Variants in ERBB4 observed in about 807,000 individuals in gnomAD.
ERBB4 encodes the protein receptor tyrosine-protein kinase erbB-4.
ERBB4 carries 42 observed loss-of-function variants against 158.0 expected under a neutral mutation model. That is an observed-to-expected ratio of 0.27 (90% CI 0.21 to 0.34). ERBB4 has a LOEUF of 0.34. Among genes scored for constraint, ERBB4 ranks in the 10% least tolerant of loss-of-function variants. The pLI is 1.00. For missense variants in ERBB4, 1,333 were observed against 1,624.1 expected, an observed-to-expected ratio of 0.82 and a Z score of 3.08; for synonymous variants, 583 against 558.7, an observed-to-expected ratio of 1.04 and a Z score of -0.61.
intron 1 of ERBB4, among the ~76,000 whole-genome samples, chr2:212,530,509 T>A (rs1454552993): frequency 6.6e-6 from 1 of 152,066 alleles, no homozygotes; most frequent in Non-Finnish European, 1.5e-5. Context: ...CCACCCATGA[T>A]CTCTATTAGG....
chr2:212,483,509 T>A (rs1280268498), intron 1 of ERBB4, among the ~76,000 whole-genome samples: 1 of 152,222 alleles, frequency 6.6e-6, no homozygotes, highest in Admixed American at 6.5e-5. Flanking sequence ...TTGTACCTAG[T>A]AAATGAAGTT....
intron 2 of ERBB4, among the ~76,000 whole-genome samples, chr2:212,112,807 C>T (rs1483734626): frequency 2.0e-5 from 3 of 152,160 alleles, no homozygotes; most frequent in African/African-American, 4.8e-5. Context: ...CAACATGAAA[C>T]GTGAGTCTAA....
At chr2:211,497,727 T>C (rs1490025015) in intron 20 of ERBB4, among the ~76,000 whole-genome samples, 1 of 152,126 alleles carries the variant, frequency 6.6e-6, no homozygotes, top group Non-Finnish European at 1.5e-5. Context: ...AATGAAAGGA[T>C]GAGGCTCTTA....
intron 1 of ERBB4, among the ~76,000 whole-genome samples, chr2:212,425,979 T>C (rs1053237535): frequency 3.3e-5 from 5 of 152,024 alleles, no homozygotes; most frequent in South Asian, 2.1e-4. Context: ...CATAAACTTT[T>C]CTTCTGAATC....
intron 1 of ERBB4, among the ~76,000 whole-genome samples, chr2:212,470,765 G>C (rs1689077574): frequency 6.6e-6 from 1 of 152,058 alleles, no homozygotes; most frequent in South Asian, 2.1e-4. Flanking sequence ...TACACTAAAG[G>C]GCTAACAATC....
At chr2:211,726,784 G>C (rs541750367) in intron 5 of ERBB4, among the ~76,000 whole-genome samples, 10 of 152,234 alleles carry the variant, frequency 6.6e-5, no homozygotes, top group African/African-American at 2.4e-4. Context: ...CTATAAATCA[G>C]TGTTGATTCA....
chr2:211,683,891 G>C (rs923032888), intron 12 of ERBB4, among the ~76,000 whole-genome samples: 1 of 151,796 alleles, frequency 6.6e-6, no homozygotes, highest in African/African-American at 2.4e-5. Flanking sequence ...CATTCTGATA[G>C]GTGTAGTAAT....
chr2:212,080,858 A>G (rs1451389793), intron 2 of ERBB4, among the ~76,000 whole-genome samples: 2 of 152,148 alleles, frequency 1.3e-5, no homozygotes, highest in African/African-American at 2.4e-5. Flanking sequence ...TATGGAAAAC[A>G]TCTCATCCAG....
chr2:211,951,306 A>G (rs1259667158), intron 2 of ERBB4, among the ~76,000 whole-genome samples: 1 of 152,280 alleles, frequency 6.6e-6, no homozygotes, highest in South Asian at 2.1e-4. Context: ...GTAAAAGAGT[A>G]ACATTAATAG....
intron 16 of ERBB4, among the ~76,000 whole-genome samples, chr2:211,632,609 T>C (rs961778420): frequency 6.7e-6 from 1 of 148,870 alleles, no homozygotes. Context: ...CTCTATTTTG[T>C]TTTTTGTTTG....
intron 1 of ERBB4, among the ~76,000 whole-genome samples, chr2:212,280,602 T>C (rs73066370): frequency 0.086 from 13,094 of 151,702 alleles, 595 homozygotes; most frequent in Non-Finnish European, 0.097. Flanking sequence ...CTTCTCTGCG[T>C]TTCTGTTGCT....
At position 211,380,328 on chromosome 2, in the gene ERBB4, CT is replaced by C. The variant is rs2062553649; in HGVS notation, c.*3286del. On this transcript the variant is annotated 3_prime_UTR_variant, in exon 28 of 28. Transcript: ENST00000342788. ...TCTTTCCTCACCTGTTTACCACTTT[CT>C]TTAGGCAATCATTTAACTGCAAAAT... 4.3e-6 allele frequency: 1 copy of C among 232,124 alleles called. No homozygotes were observed. Among genetic ancestry groups the C allele is most frequent in the Admixed American group, 5.6e-5 (1 of 17,718 alleles). 14.4% of individuals were successfully genotyped at this position (232,124 alleles called of 1,614,324 possible).
At chr2:212,013,756 A>C (rs1241067740) in intron 2 of ERBB4, among the ~76,000 whole-genome samples, 1 of 152,148 alleles carries the variant, frequency 6.6e-6, no homozygotes, top group Non-Finnish European at 1.5e-5. Context: ...TTGTTTTTCC[A>C]AGCAATCCTC....
intron 25 of ERBB4, among the ~76,000 whole-genome samples, chr2:211,411,813 A>C (rs1308183359): frequency 6.6e-6 from 1 of 152,222 alleles, no homozygotes; most frequent in Non-Finnish European, 1.5e-5. Flanking sequence ...TGATGGAAAT[A>C]ATAGAAAGCT....
chr2:211,966,377 G>A (rs957464813), intron 2 of ERBB4, among the ~76,000 whole-genome samples: 1 of 152,042 alleles, frequency 6.6e-6, no homozygotes, highest in Non-Finnish European at 1.5e-5. Flanking sequence ...GAAGAGCTGG[G>A]ATTGCAGGCA....
At chr2:211,596,620 A>C (rs1030416930) in intron 19 of ERBB4, among the ~76,000 whole-genome samples, 3 of 151,800 alleles carry the variant, frequency 2.0e-5, no homozygotes, top group Admixed American at 2.0e-4. Flanking sequence ...CCTCCTTCTT[A>C]CCCCTGAAGA....
intron 2 of ERBB4, among the ~76,000 whole-genome samples, chr2:211,981,802 A>G (rs1201786237): frequency 6.6e-6 from 1 of 152,190 alleles, no homozygotes; most frequent in African/African-American, 2.4e-5. Flanking sequence ...TCTGAAATCC[A>G]CATGAGTATG....
In ERBB4 at chr2:211,377,714, T is replaced by C. The variant is rs553182906; in HGVS notation, c.*5901A>G. On this transcript the variant is annotated 3_prime_UTR_variant, in exon 28 of 28. Transcript: ENST00000342788. ...AAGATGAATAAAGCAAATAAGTTAA[T>C]TTACTGGCAAAAATAACTTCTTGGT... The C allele has an allele frequency of 8.6e-6, 2 of 232,450 alleles. No homozygotes were observed. Among genetic ancestry groups the C allele is most frequent in the Non-Finnish European group, 1.7e-5 (2 of 117,538 alleles). 14.4% of individuals were successfully genotyped at this position (232,450 alleles called of 1,614,324 possible). A position where few individuals can be genotyped will look rare whatever the true frequency, so the allele number is the denominator to read the frequency against.
chr2:211,404,234 C>CA (rs1430020629), intron 25 of ERBB4, among the ~76,000 whole-genome samples: 2 of 152,044 alleles, frequency 1.3e-5, no homozygotes, highest in African/African-American at 4.8e-5. Context: ...CCGGTTCCAT[C>CA]AGTGCTACTG....
Sources: allele counts gnomAD v4.1 joint callset (sites outside exome capture counted in the v4.1 genomes callset), GRCh38; gene constraint gnomAD v4.1.1; transcripts MANE v1.5; gene names NCBI Gene and HGNC (gene_info 2026-07-23, HGNC 2026-07-21).